Variants in CEP112 observed in about 807,000 individuals in gnomAD.
CEP112 encodes the protein centrosomal protein 112.
CEP112 carries 127 observed loss-of-function variants against 153.0 expected under a neutral mutation model. The ratio of observed to expected loss-of-function variants is 0.83; its 90% confidence interval spans 0.72 to 0.96. CEP112 has a LOEUF of 0.96. CEP112 is among the 40% of genes least tolerant of loss of function. The pLI, the probability that CEP112 is intolerant of heterozygous loss-of-function variation, is 0.00. For missense variants in CEP112, 1,089 were observed against 1,101.2 expected (o/e 0.99, Z 0.16); for synonymous variants, 358 against 374.4 (o/e 0.96, Z 0.51).
At chr17:65,997,168 G>A (rs912606004) in intron 17 of CEP112, among the ~76,000 whole-genome samples, 13 of 152,232 alleles carry the variant, frequency 8.5e-5, no homozygotes, top group Admixed American at 2.0e-4. Flanking sequence ...CCGAGATTAC[G>A]CCACTGCACT....
chr17:66,117,807 C>T (rs2069370279), intron 6 of CEP112, among the ~76,000 whole-genome samples: 1 of 152,062 alleles, frequency 6.6e-6, no homozygotes, highest in Non-Finnish European at 1.5e-5. Flanking sequence ...AGAGTTCACA[C>T]AACTTAATAG....
intron 12 of CEP112, among the ~76,000 whole-genome samples, chr17:66,050,251 G>A (rs772363270): frequency 1.1e-4 from 16 of 152,176 alleles, no homozygotes; most frequent in African/African-American, 7.2e-5. Context: ...AAGGTATTTC[G>A]CATTTTTTCT....
intron 21 of CEP112, among the ~76,000 whole-genome samples, chr17:65,797,660 T>A (rs1315656622): frequency 6.6e-6 from 1 of 152,226 alleles, no homozygotes; most frequent in African/African-American, 2.4e-5. Flanking sequence ...AGTAGCTTCA[T>A]ACCACACACC....
chr17:66,132,339 G>GT (rs1158341646), intron 5 of CEP112, among the ~76,000 whole-genome samples: 1 of 152,034 alleles, frequency 6.6e-6, no homozygotes, highest in African/African-American at 2.4e-5. Context: ...TTCACTACAA[G>GT]TTAATTCCAG....
At chr17:65,664,196 A>G (rs1334522292) in intron 24 of CEP112, among the ~76,000 whole-genome samples, 2 of 152,210 alleles carry the variant, frequency 1.3e-5, no homozygotes, top group African/African-American at 2.4e-5. Context: ...CTGTGCTCCC[A>G]AAGCTGAGTA....
At chr17:66,035,361 C>A (rs1282271826) in intron 12 of CEP112, among the ~76,000 whole-genome samples, 1 of 152,054 alleles carries the variant, frequency 6.6e-6, no homozygotes, top group African/African-American at 2.4e-5. Context: ...TAAGTACCGA[C>A]AAGTGAGTAC....
At chr17:65,965,081 T>A (rs73992156) in intron 17 of CEP112, among the ~76,000 whole-genome samples, 10,014 of 152,202 alleles carry the variant, frequency 0.066, 474 homozygotes, top group African/African-American at 0.12. Context: ...GTGCAATAAT[T>A]CACATGAACT....
chr17:65,916,283 G>GTA lies in CEP112; in HGVS notation c.1980+11298_1980+11299insTA, dbSNP rs1221476100. On this transcript the variant is annotated intron_variant, in intron 19 of 26. Coordinates refer to ENST00000535342, the MANE Select transcript of CEP112 (RefSeq NM_001199165.4). ...TGTGTGTGTGTGTGTGTGTGTGTGT[G>GTA]TGTGTGTGTATGTGTGGTAGGAGTA... is the stretch of plus-strand genomic sequence containing the variant. 2.5e-4 allele frequency among the ~76,000 whole-genome samples: 26 copies of GTA among 105,658 alleles called. No homozygotes were observed. The East Asian group carries it at 3.6e-3, about 15-fold the overall frequency. 69.3% of individuals were successfully genotyped at this position (105,658 alleles called of 152,430 possible).
Position 65,802,557 on chromosome 17 carries a change from G to A in CEP112, c.2394+49247C>T, listed in dbSNP as rs115253437. 3.3e-3 allele frequency among the ~76,000 whole-genome samples: 502 copies of A among 152,208 alleles called. 4 individuals are homozygous for A. The highest frequency in any genetic ancestry group is 0.011 in the African/African-American group (472 of 41,524). ...CACAAACTAGAAAACTGGGAGGCAC[G>A]CTAGACTACTCCTTTATCTTCAATT... On this transcript the variant is annotated intron_variant, in intron 21 of 26. Coordinates refer to ENST00000535342, the MANE Select transcript of CEP112 (RefSeq NM_001199165.4).
intron 19 of CEP112, among the ~76,000 whole-genome samples, chr17:65,926,517 A>G (rs949156550): frequency 6.6e-5 from 10 of 152,130 alleles, no homozygotes; most frequent in African/African-American, 2.4e-4. Context: ...GTTCAAAACC[A>G]GCCTGGCCAA....
intron 23 of CEP112, among the ~76,000 whole-genome samples, chr17:65,689,519 A>G (rs2047991910): frequency 6.6e-6 from 1 of 152,258 alleles, no homozygotes; most frequent in Non-Finnish European, 1.5e-5. Context: ...ATATGTAATA[A>G]AGCATAACAC....
chr17:66,069,665 T>G (rs2067241382), intron 9 of CEP112, among the ~76,000 whole-genome samples: 1 of 152,128 alleles, frequency 6.6e-6, no homozygotes, highest in Non-Finnish European at 1.5e-5. Context: ...AATGCAATAG[T>G]TAAAGAAGGA....
At chr17:65,723,419 AC>A (rs1285996115) in intron 23 of CEP112, among the ~76,000 whole-genome samples, 1 of 152,260 alleles carries the variant, frequency 6.6e-6, no homozygotes, top group African/African-American at 2.4e-5. Flanking sequence ...AATACTACCT[AC>A]AAAAATGATT....
At chr17:66,005,807 G>A (rs1015098) in intron 16 of CEP112, 38 bp from the exon 17 acceptor site, 683,976 of 1,556,830 alleles carry the variant, frequency 0.44, 160,101 homozygotes, top group East Asian at 0.87. Context: ...ATTGGAAGAC[G>A]AGTAAAGTTT....
intron 21 of CEP112, among the ~76,000 whole-genome samples, chr17:65,838,160 C>T (rs2057392310): frequency 6.6e-6 from 1 of 151,992 alleles, no homozygotes; most frequent in South Asian, 2.1e-4. Context: ...AAAAAAAAGA[C>T]ATTTACAGAA....
chr17:65,688,267 T>C (rs1339389822), intron 24 of CEP112: 1 of 152,242 alleles, frequency 6.6e-6, no homozygotes, highest in Non-Finnish European at 1.5e-5. Flanking sequence ...ATCCATTTAT[T>C]TTGAAATGAT....
intron 21 of CEP112, among the ~76,000 whole-genome samples, chr17:65,809,245 A>C (rs951204731): frequency 1.3e-5 from 2 of 152,218 alleles, no homozygotes; most frequent in African/African-American, 4.8e-5. Flanking sequence ...TGCTGGATCC[A>C]TGTAACTGAG....
intron 3 of CEP112, 75 bp downstream of exon 3, chr17:66,176,755 T>C: frequency 8.7e-7 from 1 of 1,145,940 alleles, no homozygotes; most frequent in Non-Finnish European, 1.2e-6. Context: ...AGTATTACCA[T>C]TCCCCAAAGG....
chr17:65,894,597 A>ATCTCC (rs1201447953), intron 20 of CEP112, among the ~76,000 whole-genome samples: 1 of 152,144 alleles, frequency 6.6e-6, no homozygotes, highest in Non-Finnish European at 1.5e-5. Context: ...GTATGTGAAT[A>ATCTCC]TAACAAATAT....
Sources: gnomAD v4.1 joint callset for allele counts (sites outside exome capture counted in the v4.1 genomes callset) on GRCh38, gnomAD v4.1.1 for gene constraint, MANE v1.5 for transcripts, NCBI Gene and HGNC (gene_info 2026-07-23, HGNC 2026-07-21) for gene names.